Variants in INSL6 observed in about 807,000 individuals in gnomAD.
INSL6 encodes insulin-like peptide INSL6.
In INSL6, 16 loss-of-function variants were observed where a neutral mutation model predicts 9.4. The observed-to-expected ratio is 1.70, with a 90% CI of 1.15 to 2.59. INSL6 has a LOEUF of 2.59. INSL6 is among the 30% of genes most tolerant of loss of function. The pLI, the probability that INSL6 is intolerant of heterozygous loss-of-function variation, is 0.00. For synonymous variants in INSL6, 154 were observed against 96.9 expected, an observed-to-expected ratio of 1.59 and a Z score of -3.46; for missense variants, 391 against 257.3, an observed-to-expected ratio of 1.52 and a Z score of -3.56.
chr9:5,133,829 C>G lies in INSL6; in HGVS notation c.377-237G>C, dbSNP rs188196625. Among the ~76,000 whole-genome samples the G allele has an allele frequency of 9.1e-4, 139 of 152,052 alleles. 3 individuals are homozygous for G. The highest frequency in any genetic ancestry group is 3.3e-3 in the African/African-American group (136 of 41,362). ...ACTCCTCGCTAGCAAGGGAACAAAA[C>G]TGGACTGAGAATGAGGTTGATGAAT... On this transcript the variant is annotated intron_variant, in intron 2 of 3. Coordinates refer to the INSL6 transcript ENST00000649639.
the INSL6 span, chr9:5,077,460 G>C: frequency 8.9e-7 from 1 of 1,129,424 alleles, no homozygotes; most frequent in South Asian, 2.2e-5. Flanking sequence ...CAGATATTCT[G>C]GTTCAGGAGT....
In INSL6 at chr9:5,164,220, G is replaced by A. The variant is rs373169579; in HGVS notation, c.335C>T (p.Ser112Leu). ...EEAVNSWEMQ[S>L]LPEYKDKKGY... The stretch of plus-strand genomic sequence containing the variant: ...CTTTTTATCCTTATACTCAGGTAGT[G>A]ACTGCATTTCCCAACTGTTTACTGC... The change falls in exon 2 of 2, where the codon TCA (serine) becomes TTA (leucine). Residue 112 changes from serine (S) to leucine (L), a missense_variant. Coordinates refer to ENST00000381641, the MANE Select transcript of INSL6 (RefSeq NM_007179.3). 1 of 1,606,924 alleles carries A rather than the reference G, an allele frequency of 6.2e-7. No individual in the cohort carries two copies. Among genetic ancestry groups the A allele is most frequent in the Non-Finnish European group, 8.5e-7 (1 of 1,177,658 alleles).
At chr9:5,030,402 A>T in the INSL6 span, among the ~76,000 whole-genome samples, 1 of 152,000 alleles carries the variant, frequency 6.6e-6, no homozygotes, top group Non-Finnish European at 1.5e-5. Context: ...ATCTAGAAGT[A>T]TTTTTTTGCT....
intron 2 of INSL6, among the ~76,000 whole-genome samples, chr9:5,157,406 G>A (rs1485122406): frequency 6.6e-6 from 1 of 151,884 alleles, no homozygotes; most frequent in Non-Finnish European, 1.5e-5. Context: ...TTAATGGAAA[G>A]ATTAATGGAA....
At chr9:5,007,351 T>C in the INSL6 span, among the ~76,000 whole-genome samples, 2 of 152,168 alleles carry the variant, frequency 1.3e-5, no homozygotes, top group Non-Finnish European at 2.9e-5. Context: ...TGAAAATATA[T>C]TGATTAATTT....
At chr9:5,127,640 AG>A (rs1824083278) in intron 3 of INSL6, 1 of 232,066 alleles carries the variant, frequency 4.3e-6, no homozygotes, top group Admixed American at 5.6e-5. Flanking sequence ...TAAGAATGCC[AG>A]GAATATTGTC....
At chr9:5,094,810 C>T in the INSL6 span, 3 of 152,132 alleles carry the variant, frequency 2.0e-5, no homozygotes, top group East Asian at 5.8e-4. Flanking sequence ...GAGTACTACA[C>T]ACTATGTATT....
intron 3 of INSL6, among the ~76,000 whole-genome samples, chr9:5,133,232 A>G (rs1385587099): frequency 6.6e-6 from 1 of 151,654 alleles, no homozygotes; most frequent in Non-Finnish European, 1.5e-5. Context: ...GGGGAGGATA[A>G]TGCAAAAAAA....
the INSL6 span, chr9:5,111,321 C>T: frequency 1.0e-4 from 46 of 447,916 alleles, no homozygotes; most frequent in Middle Eastern, 1.2e-3. Context: ...CCCCGGACCC[C>T]TGTCCCCCTC....
At chr9:5,110,077 A>C in the INSL6 span, 2 of 152,062 alleles carry the variant, frequency 1.3e-5, no homozygotes, top group Admixed American at 6.6e-5. Flanking sequence ...TTCATTCTAA[A>C]CCCTACCTCT....
chr9:5,140,644 C>T (rs528660660), intron 2 of INSL6, among the ~76,000 whole-genome samples: 9 of 152,262 alleles, frequency 5.9e-5, no homozygotes, highest in Admixed American at 1.3e-4. Flanking sequence ...TAAAGTCCAA[C>T]ATCCCAGACT....
the INSL6 span, among the ~76,000 whole-genome samples, chr9:5,103,358 CAAG>C: frequency 2.1e-5 from 3 of 145,886 alleles, no homozygotes; most frequent in African/African-American, 8.2e-5. Flanking sequence ...ATCAACTGGG[CAAG>C]AAGAGCTAAC....
chr9:5,077,108 C>G, the INSL6 span, among the ~76,000 whole-genome samples: 1 of 151,402 alleles, frequency 6.6e-6, no homozygotes, highest in Non-Finnish European at 1.5e-5. Flanking sequence ...GTTTGAATGT[C>G]TAAAAAGTTA....
At chr9:5,054,940 A>C in the INSL6 span, 1 of 1,298,546 alleles carries the variant, frequency 7.7e-7, no homozygotes. The surrounding 1 kb of genome is among the most constrained non-coding windows in gnomAD (Gnocchi z 4.9). Flanking sequence ...ATGGAAATAA[A>C]AACAAAGTAA....
At chr9:5,086,443 C>A in the INSL6 span, among the ~76,000 whole-genome samples, 2 of 152,206 alleles carry the variant, frequency 1.3e-5, no homozygotes, top group African/African-American at 2.4e-5. Context: ...TTATCAGCAT[C>A]ATTCTCAATC....
chr9:5,090,972 G>A, the INSL6 span: 1 of 1,069,048 alleles, frequency 9.4e-7, no homozygotes, highest in South Asian at 1.7e-5. Flanking sequence ...CTTTATTGTT[G>A]TTATTTAATA....
chr9:5,038,957 C>G, the INSL6 span, among the ~76,000 whole-genome samples: 1 of 152,000 alleles, frequency 6.6e-6, no homozygotes, highest in African/African-American at 2.4e-5. Context: ...AATCCAGCAT[C>G]CCATCATTAT....
At chr9:5,151,967 A>G (rs1386338058) in intron 2 of INSL6, among the ~76,000 whole-genome samples, 1 of 152,228 alleles carries the variant, frequency 6.6e-6, no homozygotes, top group Non-Finnish European at 1.5e-5. Context: ...TGGAAACACT[A>G]ATTATAAGAA....
At chr9:5,037,875 A>T in the INSL6 span, among the ~76,000 whole-genome samples, 2 of 152,190 alleles carry the variant, frequency 1.3e-5, no homozygotes, top group Non-Finnish European at 2.9e-5. Flanking sequence ...ATGAAAAGGC[A>T]AATTGTAAAG....
Sources: allele counts gnomAD v4.1 joint callset (sites outside exome capture counted in the v4.1 genomes callset), GRCh38; gene constraint gnomAD v4.1.1; non-coding constraint Gnocchi (gnomAD v3.1); transcripts MANE v1.5; gene names NCBI Gene and HGNC (gene_info 2026-07-23, HGNC 2026-07-21).